Variants in KCNAB1 observed in about 807,000 individuals in gnomAD.
KCNAB1 encodes voltage-gated potassium channel subunit beta-1.
A neutral mutation model predicts 64.6 loss-of-function variants in KCNAB1; 35 were observed. The observed-to-expected ratio is 0.54, with a 90% confidence interval of 0.41 to 0.72. KCNAB1 has a LOEUF of 0.72. Among genes scored for constraint, KCNAB1 ranks in the 30% least tolerant of loss-of-function variants. KCNAB1 has a pLI of 0.00. For synonymous variants in KCNAB1, 177 were observed against 183.8 expected (o/e 0.96, Z 0.30); for missense variants, 401 against 512.9 (o/e 0.78, Z 2.11).
chr3:156,212,770 G>A (rs988707990), intron 1 of KCNAB1, among the ~76,000 whole-genome samples: 4 of 152,150 alleles, frequency 2.6e-5, no homozygotes, highest in Non-Finnish European at 5.9e-5. Context: ...TGGGATGGGA[G>A]GAGCTTGAGG....
chr3:156,228,941 G>T (rs1203270217), intron 1 of KCNAB1, among the ~76,000 whole-genome samples: 1 of 152,198 alleles, frequency 6.6e-6, no homozygotes, highest in Non-Finnish European at 1.5e-5. Flanking sequence ...GGAGACTAGG[G>T]TTTACACAGA....
At chr3:156,312,518 C>A (rs1721978048) in intron 1 of KCNAB1, among the ~76,000 whole-genome samples, 1 of 151,978 alleles carries the variant, frequency 6.6e-6, no homozygotes, top group Admixed American at 6.6e-5. Flanking sequence ...TTGAGACCAG[C>A]CTGGCTAATA....
intron 8 of KCNAB1, among the ~76,000 whole-genome samples, chr3:156,478,901 A>G (rs1019161609): frequency 5.3e-5 from 8 of 152,152 alleles, no homozygotes; most frequent in Non-Finnish European, 1.0e-4. Flanking sequence ...GAATGGCTGT[A>G]AATTCCAAAG....
chr3:156,189,282 T>C (rs1713405752), intron 1 of KCNAB1, among the ~76,000 whole-genome samples: 1 of 152,198 alleles, frequency 6.6e-6, no homozygotes, highest in Non-Finnish European at 1.5e-5. Context: ...GTAGTCCAGC[T>C]AACCTGTTCC....
intron 8 of KCNAB1, among the ~76,000 whole-genome samples, chr3:156,480,941 A>G (rs1714753376): frequency 6.6e-6 from 1 of 152,158 alleles, no homozygotes; most frequent in Non-Finnish European, 1.5e-5. Context: ...GATTGAATGA[A>G]TAAAGCTCCA....
At chr3:156,432,984 G>A (rs967926442) in intron 2 of KCNAB1, among the ~76,000 whole-genome samples, 3 of 152,136 alleles carry the variant, frequency 2.0e-5, no homozygotes, top group East Asian at 1.9e-4. Context: ...TTGCTGCCTC[G>A]GATGTTGCCT....
At chr3:156,428,663 G>A (rs1283507862) in intron 2 of KCNAB1, among the ~76,000 whole-genome samples, 3 of 152,048 alleles carry the variant, frequency 2.0e-5, no homozygotes, top group African/African-American at 4.8e-5. Flanking sequence ...GGAAGATATG[G>A]AAAACCTAAG....
At chr3:156,435,148 A>C (rs1716502888) in intron 2 of KCNAB1, among the ~76,000 whole-genome samples, 1 of 152,212 alleles carries the variant, frequency 6.6e-6, no homozygotes, top group Non-Finnish European at 1.5e-5. Flanking sequence ...AACATCTAGA[A>C]GCCCCAGGGA....
At chr3:156,181,586 G>A (rs963009419) in intron 1 of KCNAB1, among the ~76,000 whole-genome samples, 1 of 152,144 alleles carries the variant, frequency 6.6e-6, no homozygotes, top group African/African-American at 2.4e-5. Flanking sequence ...GTCCAGTCAC[G>A]AGGAGATGAG....
At chr3:156,442,203 T>C (rs967737084) in intron 2 of KCNAB1, among the ~76,000 whole-genome samples, 1 of 152,188 alleles carries the variant, frequency 6.6e-6, no homozygotes, top group Non-Finnish European at 1.5e-5. Flanking sequence ...AATTCTAAGA[T>C]CCAAGTATGG....
intron 1 of KCNAB1, among the ~76,000 whole-genome samples, chr3:156,248,663 G>T (rs1379045325): frequency 6.6e-6 from 1 of 152,040 alleles, no homozygotes; most frequent in Non-Finnish European, 1.5e-5. Context: ...GGAGGCCCAT[G>T]GAGGCAAAGT....
At chr3:156,415,421 A>T (rs1202817073) in intron 1 of KCNAB1, among the ~76,000 whole-genome samples, 1 of 151,990 alleles carries the variant, frequency 6.6e-6, no homozygotes, top group Admixed American at 6.6e-5. Flanking sequence ...AAGGTCACAC[A>T]CATCTGGTGA....
intron 1 of KCNAB1, among the ~76,000 whole-genome samples, chr3:156,261,136 C>A (rs1718407165): frequency 6.6e-6 from 1 of 152,036 alleles, no homozygotes; most frequent in Admixed American, 6.5e-5. Context: ...TCCATGCATT[C>A]TGAATACAGG....
At chr3:156,454,308 C>T (rs865982224) in intron 3 of KCNAB1, among the ~76,000 whole-genome samples, 24 of 152,154 alleles carry the variant, frequency 1.6e-4, no homozygotes, top group Admixed American at 1.4e-3. Context: ...TCAGCCAACT[C>T]CATGGGGATC....
intron 4 of KCNAB1, among the ~76,000 whole-genome samples, chr3:156,459,211 G>A (rs911704962): frequency 6.6e-6 from 1 of 152,178 alleles, no homozygotes; most frequent in African/African-American, 2.4e-5. Context: ...AGGTGGAAGA[G>A]GAGAGGATGG....
At chr3:156,524,463 C>T (rs1056618712) in intron 12 of KCNAB1, among the ~76,000 whole-genome samples, 64 of 152,074 alleles carry the variant, frequency 4.2e-4, no homozygotes, top group African/African-American at 1.3e-3. Flanking sequence ...GAAAACCACA[C>T]GCGGCTGGGC....
chr3:156,374,766 C>T lies in KCNAB1; in HGVS notation c.276-46850C>T, dbSNP rs1175563394. On this transcript the variant is annotated intron_variant, in intron 1 of 13. Coordinates refer to ENST00000490337, the MANE Select transcript of KCNAB1 (RefSeq NM_172160.3). ...GCTGTTCGGCCTTAGTTAAACCTCG[C>T]TTTCCTTATGTATGAAGTGGGGCTT... Among the ~76,000 whole-genome samples, 5 of 135,122 alleles carry T rather than the reference C, an allele frequency of 3.7e-5. 2 individuals carry two copies. Among genetic ancestry groups the T allele is most frequent in the African/African-American group, 1.7e-4 (5 of 30,044 alleles). 88.6% of individuals were successfully genotyped at this position (135,122 alleles called of 152,430 possible). A position where few individuals can be genotyped will look rare whatever the true frequency, so the allele number is the denominator to read the frequency against.
At chr3:156,539,092 C>CAA (rs1239609215), downstream of KCNAB1, 1 of 152,060 alleles carries the variant, frequency 6.6e-6, no homozygotes, top group Admixed American at 6.6e-5. Flanking sequence ...TTTTCTCTTC[C>CAA]AAAAAGAATT....
chr3:156,176,899 G>C (rs1712415913), intron 1 of KCNAB1: 7 of 1,112,898 alleles, frequency 6.3e-6, no homozygotes, highest in Non-Finnish European at 8.0e-6. Flanking sequence ...GTACGCTTCT[G>C]CTGTTCTATC....
Sources: gnomAD v4.1 joint callset for allele counts (sites outside exome capture counted in the v4.1 genomes callset) on GRCh38, gnomAD v4.1.1 for gene constraint, MANE v1.5 for transcripts, NCBI Gene and HGNC (gene_info 2026-07-23, HGNC 2026-07-21) for gene names.